The following GRIK2 variants were observed in gnomAD, a reference collection of about 807,000 sequenced individuals.
The protein encoded by GRIK2 is glutamate ionotropic receptor kainate type subunit 2.
A neutral mutation model predicts 100.3 loss-of-function variants in GRIK2; 32 were observed. That is an observed-to-expected ratio of 0.32 (90% CI 0.24 to 0.43). The LOEUF is 0.43. Ranked by LOEUF, GRIK2 falls within the 20% of genes least tolerant of loss-of-function variation. The pLI, the probability that GRIK2 is intolerant of heterozygous loss-of-function variation, is 1.00. For missense variants in GRIK2, 843 were observed against 1,114.9 expected (o/e 0.76, Z 3.47); for synonymous variants, 417 against 389.4 (o/e 1.07, Z -0.83).
intron 16 of GRIK2, among the ~76,000 whole-genome samples, chr6:102,065,350 ATAT>A (rs1771965693): frequency 6.6e-6 from 1 of 151,312 alleles, no homozygotes; most frequent in Non-Finnish European, 1.5e-5. Context: ...TATAAACTTA[ATAT>A]TATATGAAAT....
chr6:102,025,291 A>C (rs1438153465), intron 14 of GRIK2, among the ~76,000 whole-genome samples: 1 of 151,248 alleles, frequency 6.6e-6, no homozygotes, highest in Admixed American at 6.6e-5. Flanking sequence ...ATAGGGGAAA[A>C]TCCTTGCATT....
rs74415551 is a variant in GRIK2 at position 102,059,288 on chromosome 6, A to G, written c.2562+3708A>G. Among the ~76,000 whole-genome samples the G allele has an allele frequency of 5.6e-3, 848 of 151,436 alleles. 8 individuals carry two copies. Among genetic ancestry groups the G allele is most frequent in the African/African-American group, 0.02 (812 of 41,488 alleles). On this transcript the variant is annotated intron_variant, in intron 16 of 16. Coordinates refer to ENST00000369134, the MANE Select transcript of GRIK2 (RefSeq NM_021956.5). Reference sequence around the variant, plus strand: ...ATTGTGATGTAAATATTAATGCCTCAAGGACACATTGCTTTTTATTTATTC... The same window carrying G: ...ATTGTGATGTAAATATTAATGCCTCGAGGACACATTGCTTTTTATTTATTC...
intron 14 of GRIK2, among the ~76,000 whole-genome samples, chr6:102,022,141 C>A (rs1322804621): frequency 1.2e-5 from 1 of 85,788 alleles, no homozygotes; most frequent in Non-Finnish European, 2.1e-5. Flanking sequence ...ATAACACACA[C>A]ATACACACAC....
chr6:101,769,532 T>C (rs374766614), intron 7 of GRIK2, among the ~76,000 whole-genome samples: 1 of 152,202 alleles, frequency 6.6e-6, no homozygotes, highest in East Asian at 1.9e-4. Context: ...ATGATAGCTA[T>C]TTGAGTAAAT....
In GRIK2 at chr6:101,582,941, T is replaced by C. The variant is rs1778173870; in HGVS notation, c.116-39008T>C. Among the ~76,000 whole-genome samples the C allele has an allele frequency of 2.6e-5, 4 of 152,080 alleles. No homozygotes were observed. In the South Asian group the frequency reaches 8.3e-4, roughly 32 times the overall value. On this transcript the variant is annotated intron_variant, in intron 2 of 16. Transcript: ENST00000369134. Reference sequence around the variant, plus strand: ...TGGGCAGAGTCCTGTGAATAGCCTGTTGTGGAAAGCCCTGTTCTCTCAAAC... The same window carrying C: ...TGGGCAGAGTCCTGTGAATAGCCTGCTGTGGAAAGCCCTGTTCTCTCAAAC...
chr6:101,874,926 G>T (rs1240849154), intron 11 of GRIK2, among the ~76,000 whole-genome samples: 2 of 152,088 alleles, frequency 1.3e-5, no homozygotes, highest in Non-Finnish European at 2.9e-5. Flanking sequence ...AAGAATGCTT[G>T]TGATTTTTGC....
chr6:101,493,441 A>T (rs971532262), intron 2 of GRIK2, among the ~76,000 whole-genome samples: 2 of 152,132 alleles, frequency 1.3e-5, no homozygotes, highest in African/African-American at 4.8e-5. Context: ...GGAAGCCAGA[A>T]GTTAGTAAAA....
rs184164210 is a variant in GRIK2 at position 101,961,053 on chromosome 6, G to T, written c.2085+32421G>T. Among the ~76,000 whole-genome samples the T allele has an allele frequency of 1.2e-4, 18 of 152,228 alleles. No individual in the cohort carries two copies. In the East Asian group the frequency reaches 3.5e-3, roughly 29 times the overall value. On this transcript the variant is annotated intron_variant, in intron 14 of 16. Transcript: ENST00000369134. ...ACCTTGACTGGAGTGACAGGGAGAG[G>T]TTATAGTGAAAGCCTCCCATGTTTC...
intron 2 of GRIK2, among the ~76,000 whole-genome samples, chr6:101,515,708 C>T (rs574688520): frequency 2.0e-4 from 31 of 152,010 alleles, no homozygotes; most frequent in Non-Finnish European, 3.5e-4. Flanking sequence ...GCCATTTGTA[C>T]ATCTTCTTTT....
At chr6:101,903,037 C>T (rs934081158) in intron 12 of GRIK2, among the ~76,000 whole-genome samples, 2 of 151,760 alleles carry the variant, frequency 1.3e-5, no homozygotes, top group African/African-American at 4.8e-5. Context: ...CTCATAGTTA[C>T]AAGATACCCA....
intron 7 of GRIK2, among the ~76,000 whole-genome samples, chr6:101,774,650 T>G (rs1778627719): frequency 6.6e-6 from 1 of 152,192 alleles, no homozygotes; most frequent in Admixed American, 6.5e-5. Flanking sequence ...AATGGAACTT[T>G]TAATTGAAAA....
intron 7 of GRIK2, among the ~76,000 whole-genome samples, chr6:101,693,515 T>C (rs1040254203): frequency 2.6e-5 from 4 of 151,608 alleles, no homozygotes; most frequent in Admixed American, 6.6e-5. Context: ...CATGAAAAAA[T>C]AACTGAAGTT....
chr6:101,714,107 T>C (rs1773900849), intron 7 of GRIK2, among the ~76,000 whole-genome samples: 2 of 151,808 alleles, frequency 1.3e-5, no homozygotes, highest in Non-Finnish European at 2.9e-5. Context: ...TATGCATTTA[T>C]TATTTGCAGG....
intron 16 of GRIK2, among the ~76,000 whole-genome samples, chr6:102,058,532 T>A (rs1771586828): frequency 6.6e-6 from 1 of 151,654 alleles, no homozygotes; most frequent in Non-Finnish European, 1.5e-5. Flanking sequence ...TTCTGATAAA[T>A]TAGGTTCTTG....
chr6:101,541,859 TC>T (rs1776014618), intron 2 of GRIK2, among the ~76,000 whole-genome samples: 1 of 151,982 alleles, frequency 6.6e-6, no homozygotes, highest in Non-Finnish European at 1.5e-5. Flanking sequence ...TCCTTTCCTT[TC>T]TTTTATTCTC....
intron 14 of GRIK2, among the ~76,000 whole-genome samples, chr6:101,970,634 G>A (rs1329281677): frequency 6.6e-6 from 1 of 151,922 alleles, no homozygotes; most frequent in Non-Finnish European, 1.5e-5. Flanking sequence ...AAGGGTAAAC[G>A]ACATGGCACA....
chr6:101,993,309 A>G (rs1794470293), intron 14 of GRIK2: 1 of 139,182 alleles, frequency 7.2e-6, no homozygotes, highest in African/African-American at 2.5e-5. Context: ...CATTTTGGAT[A>G]AATAGGTGAC....
chr6:101,695,979 A>T (rs968711860), intron 7 of GRIK2, among the ~76,000 whole-genome samples: 17 of 152,176 alleles, frequency 1.1e-4, no homozygotes, highest in Middle Eastern at 3.4e-3. Flanking sequence ...CTTTTGCAAC[A>T]TCATAAAATA....
intron 2 of GRIK2, among the ~76,000 whole-genome samples, chr6:101,613,894 AATC>A (rs1447045528): frequency 1.3e-5 from 2 of 151,792 alleles, no homozygotes; most frequent in South Asian, 2.1e-4. Flanking sequence ...TCTGGAAGAT[AATC>A]ATGTTTAAGT....
Sources: allele counts gnomAD v4.1 joint callset (sites outside exome capture counted in the v4.1 genomes callset), GRCh38; gene constraint gnomAD v4.1.1; transcripts MANE v1.5; gene names NCBI Gene and HGNC (gene_info 2026-07-23, HGNC 2026-07-21).